Variants in NTSR1 observed in about 807,000 individuals in gnomAD.
The protein encoded by NTSR1 is neurotensin receptor type 1.
In NTSR1, 29 loss-of-function variants were observed where a neutral mutation model predicts 31.2. That is an observed-to-expected ratio of 0.93 (90% CI 0.69 to 1.27). The LOEUF (loss-of-function observed/expected upper bound fraction) is 1.27, where lower values mean the gene tolerates loss of function less well. Ranked by LOEUF, NTSR1 falls within the 50% of genes most tolerant of loss-of-function variation. NTSR1 has a pLI of 0.00. For synonymous variants in NTSR1, 282 were observed against 269.9 expected (o/e 1.04, Z -0.44); for missense variants, 697 against 595.4 (o/e 1.17, Z -1.78).
chr20:62,757,439 C>T (rs1989530363), intron 2 of NTSR1, among the ~76,000 whole-genome samples: 1 of 152,202 alleles, frequency 6.6e-6, no homozygotes, highest in Admixed American at 6.5e-5. Context: ...TATGCCAGCA[C>T]CACACTGTAA....
Position 62,745,493 on chromosome 20 carries a change from C to T in NTSR1, c.715-9192C>T, listed in dbSNP as rs145108144. On this transcript the variant is annotated intron_variant, in intron 1 of 3. Coordinates refer to ENST00000370501, the MANE Select transcript of NTSR1 (RefSeq NM_002531.3). The surrounding 1 kb of genome is among the most constrained non-coding windows in gnomAD (Gnocchi z 4.1). Reference sequence around the variant, plus strand: ...CACAGGAACAACAGAGACACACAGACAGAGACAGACACAGGAAAACAGTGA... The same window carrying T: ...CACAGGAACAACAGAGACACACAGATAGAGACAGACACAGGAAAACAGTGA... Among the ~76,000 whole-genome samples the T allele has an allele frequency of 4.2e-3, 634 of 151,898 alleles. 6 individuals are homozygous for T. The highest frequency in any genetic ancestry group is 0.014 in the African/African-American group (595 of 41,408).
At position 62,748,175 on chromosome 20, in the gene NTSR1, C is replaced by CAA. The variant is rs34449464; in HGVS notation, c.715-6491_715-6490dup. Among the ~76,000 whole-genome samples, 303 of 78,838 alleles carry CAA rather than the reference C, an allele frequency of 3.8e-3. 3 individuals are homozygous for CAA. Among genetic ancestry groups the CAA allele is most frequent in the African/African-American group, 7.3e-3 (194 of 26,484 alleles). The allele number at this position is 78,838 out of a possible 152,430, so 51.7% of individuals were successfully genotyped here. ...GGGCAACAAGAATGAGAATCTGTCT[C>CAA]AAAAAAAAAAAAAAAAAAAATCCCA... is the stretch of plus-strand genomic sequence containing the variant. On this transcript the variant is annotated intron_variant, in intron 1 of 3. Coordinates refer to ENST00000370501, the MANE Select transcript of NTSR1 (RefSeq NM_002531.3).
Position 62,709,814 on chromosome 20 carries a change from A to G in NTSR1, c.607A>G (p.Met203Val). Residue 203 changes from methionine (M) to valine (V), a missense_variant, in exon 1 of 4, where the codon ATG becomes GTG. Coordinates refer to ENST00000370501, the MANE Select transcript of NTSR1 (RefSeq NM_002531.3). ...WLASALLAVP[M>V]LFTMGEQNRS... ...CGCCTCGGCCCTGCTGGCGGTGCCT[A>G]TGCTGTTCACCATGGGCGAGCAGAA... The G allele has an allele frequency of 3.7e-6, 6 of 1,612,620 alleles. No individual in the cohort carries two copies. The highest frequency in any genetic ancestry group is 4.2e-6 in the Non-Finnish European group (5 of 1,179,870).
At position 62,709,852 on chromosome 20, in the gene NTSR1, C is replaced by T. The variant is rs369573865; in HGVS notation, c.645C>T (p.Asp215=). 7 of 1,608,586 alleles carry T rather than the reference C, an allele frequency of 4.4e-6. No individual in the cohort carries two copies. Among genetic ancestry groups the T allele is most frequent in the Middle Eastern group, 1.7e-4 (1 of 6,046 alleles). The change falls in exon 1 of 4, where the codon GAC becomes GAT. Residue 215 remains aspartate, a synonymous_variant. Coordinates refer to ENST00000370501, the MANE Select transcript of NTSR1 (RefSeq NM_002531.3). ...FTMGEQNRSA[D]GQHAGGLVCT... is the part of the protein sequence containing the mutation. ...TGGGCGAGCAGAACCGCAGCGCCGA[C>T]GGCCAGCACGCCGGCGGCCTGGTGT...
Position 62,761,082 on chromosome 20 carries a change from G to A in NTSR1, c.*815G>A, listed in dbSNP as rs560218532. On this transcript the variant is annotated 3_prime_UTR_variant, in exon 4 of 4. Transcript: ENST00000370501. ...TCAAGATCTTCAGCTGTGGCCTCTC[G>A]GGCTCGGCAGAAGGGACGCCGGATC... 2.0e-5 allele frequency: 3 copies of A among 152,392 alleles called. No individual in the cohort carries two copies. Among genetic ancestry groups the A allele is most frequent in the Admixed American group, 6.5e-5 (1 of 15,306 alleles). The allele number at this position is 152,392 out of a possible 1,614,324, so 9.4% of individuals were successfully genotyped here. A position where few individuals can be genotyped will look rare whatever the true frequency, so the allele number is the denominator to read the frequency against.
intron 1 of NTSR1, 73 bp from the exon 2 acceptor site, chr20:62,754,612 C>T (rs963561349): frequency 5.1e-5 from 64 of 1,249,978 alleles, no homozygotes; most frequent in African/African-American, 1.2e-4. Flanking sequence ...CCAATCAGCA[C>T]GGCAGGCATC....
chr20:62,742,510 A>G lies in NTSR1; in HGVS notation c.715-12175A>G, dbSNP rs1297113436. Among the ~76,000 whole-genome samples the G allele has an allele frequency of 6.7e-6, 1 of 149,472 alleles. No homozygotes were observed. Among genetic ancestry groups the G allele is most frequent in the East Asian group, 2.2e-4 (1 of 4,448 alleles). Reference sequence around the variant, plus strand: ...GACCGAGGAAAGAGACTGGGGACTGAGGGACAGCACAGTATCCCAAGCTGG... The same window carrying G: ...GACCGAGGAAAGAGACTGGGGACTGGGGGACAGCACAGTATCCCAAGCTGG... On this transcript the variant is annotated intron_variant, in intron 1 of 3. Transcript: ENST00000370501. The surrounding 1 kb of genome is among the most constrained non-coding windows in gnomAD (Gnocchi z 7.1).
At chr20:62,755,316 C>T (rs1600736730) in intron 2 of NTSR1, among the ~76,000 whole-genome samples, 2 of 123,856 alleles carry the variant, frequency 1.6e-5, no homozygotes, top group African/African-American at 6.4e-5. Context: ...CCTCTCCCTC[C>T]CTTCCTTCCT....
chr20:62,736,758 G>A (rs1989101875), intron 1 of NTSR1, among the ~76,000 whole-genome samples: 2 of 152,352 alleles, frequency 1.3e-5, no homozygotes, highest in South Asian at 2.1e-4. Flanking sequence ...GAGTTACTTC[G>A]TGATGTGTTT....
intron 1 of NTSR1, among the ~76,000 whole-genome samples, chr20:62,719,304 A>G (rs1006201896): frequency 1.3e-5 from 2 of 152,146 alleles, no homozygotes; most frequent in African/African-American, 2.4e-5. Flanking sequence ...GATTTTCTCC[A>G]TTAGTCAGTT....
intron 1 of NTSR1, among the ~76,000 whole-genome samples, chr20:62,722,223 G>A (rs572620530): frequency 1.8e-3 from 275 of 152,198 alleles, no homozygotes; most frequent in African/African-American, 6.0e-3. Context: ...AAACAACTAC[G>A]GAAAGCCCAA....
At chr20:62,737,605 G>A (rs1258928310) in intron 1 of NTSR1, among the ~76,000 whole-genome samples, 3 of 152,090 alleles carry the variant, frequency 2.0e-5, no homozygotes, top group African/African-American at 7.2e-5. Context: ...GGAGAGCCTG[G>A]AGAGAGATGC....
At chr20:62,756,606 A>G (rs900224498) in intron 2 of NTSR1, 1 of 152,274 alleles carries the variant, frequency 6.6e-6, no homozygotes, top group Non-Finnish European at 1.5e-5. Flanking sequence ...TTCCCTGCTC[A>G]TGGGAACCAG....
rs1386126083 is a variant in NTSR1, at chr20:62,751,533, G to C, written c.715-3152G>C. 2.6e-5 allele frequency among the ~76,000 whole-genome samples: 4 copies of C among 152,250 alleles called. No individual in the cohort carries two copies. In the East Asian group the frequency reaches 7.7e-4, roughly 29 times the overall value. On this transcript the variant is annotated intron_variant, in intron 1 of 3. Transcript: ENST00000370501. Reference sequence around the variant, plus strand: ...CCGGTGCTGGCTTTATTCTTAGGCAGGTCTTCTCTAAAAGGTAGGAAAACG... The same window carrying C: ...CCGGTGCTGGCTTTATTCTTAGGCACGTCTTCTCTAAAAGGTAGGAAAACG...
At chr20:62,756,242 G>C (rs556080357) in intron 2 of NTSR1, among the ~76,000 whole-genome samples, 1 of 152,320 alleles carries the variant, frequency 6.6e-6, no homozygotes, top group South Asian at 2.1e-4. Flanking sequence ...CTCAGAGCAG[G>C]TGGCATCCTG....
Position 62,709,752 on chromosome 20 carries a change from G to T in NTSR1, c.545G>T (p.Arg182Leu). The change falls in exon 1 of 4, where the codon CGA becomes CTA. Residue 182 changes from arginine to leucine, a missense_variant. Physicochemically the swap from Arg to Leu is moderately radical, Grantham distance 102. Coordinates refer to ENST00000370501, the MANE Select transcript of NTSR1 (RefSeq NM_002531.3). ...TTCAAGGCCAAGACCCTCATGTCCCGAAGCCGCACCAAGAAGTTCATCAGC... is the reference window on the plus strand; with the variant it reads ...TTCAAGGCCAAGACCCTCATGTCCCTAAGCCGCACCAAGAAGTTCATCAGC... ...HPFKAKTLMS[R>L]SRTKKFISAI... The T allele has an allele frequency of 6.2e-7, 1 of 1,613,044 alleles. No homozygotes were observed. The highest frequency in any genetic ancestry group is 8.5e-7 in the Non-Finnish European group (1 of 1,179,934).
chr20:62,724,023 C>T (rs1286561530), intron 1 of NTSR1, among the ~76,000 whole-genome samples: 3 of 152,218 alleles, frequency 2.0e-5, no homozygotes, highest in Non-Finnish European at 4.4e-5. Flanking sequence ...GTGGCTTCAA[C>T]CAGCTTGTAG....
At chr20:62,729,693 C>T (rs1275530074) in intron 1 of NTSR1, among the ~76,000 whole-genome samples, 5 of 148,204 alleles carry the variant, frequency 3.4e-5, no homozygotes, top group Non-Finnish European at 5.9e-5. Context: ...TGCAGTGGCA[C>T]GATCTCAGCT....
In NTSR1 at chr20:62,732,829, G is replaced by C. The variant is rs1262498368; in HGVS notation, c.715-21856G>C. ...GGTAGAATTCTAAGTCCGTGTCCCT[G>C]CGTGGCTCCAGGCACGCTGGTTCCC... On this transcript the variant is annotated intron_variant, in intron 1 of 3. Coordinates refer to ENST00000370501, the MANE Select transcript of NTSR1 (RefSeq NM_002531.3). This position sits in a 1 kb window ranked among gnomAD's most constrained non-coding sequence, Gnocchi z 4.0. The C allele has an allele frequency of 6.6e-6, 1 of 152,216 alleles. No individual in the cohort carries two copies. The highest frequency in any genetic ancestry group is 1.5e-5 in the Non-Finnish European group (1 of 68,048). 9.4% of individuals were successfully genotyped at this position (152,216 alleles called of 1,614,324 possible).
Sources: allele counts gnomAD v4.1 joint callset (sites outside exome capture counted in the v4.1 genomes callset), GRCh38; gene constraint gnomAD v4.1.1; non-coding constraint Gnocchi (gnomAD v3.1); transcripts MANE v1.5; gene names NCBI Gene and HGNC (gene_info 2026-07-23, HGNC 2026-07-21).